IGF2BP1: variants seen among roughly 807,000 people sequenced by gnomAD.
IGF2BP1 encodes insulin like growth factor 2 mRNA binding protein 1, also known as insulin-like growth factor 2 mRNA-binding protein 1.
A neutral mutation model predicts 74.9 loss-of-function variants in IGF2BP1; 11 were observed. The observed-to-expected ratio is 0.15, with a 90% confidence interval of 0.09 to 0.24. The LOEUF (loss-of-function observed/expected upper bound fraction) is 0.24. Among genes scored for constraint, IGF2BP1 ranks in the 10% least tolerant of loss-of-function variants. The probability of loss-of-function intolerance (pLI) is 1.00; values close to 1 mark genes in which losing one functional copy is unlikely to be tolerated. For missense variants in IGF2BP1, 440 were observed against 757.4 expected (o/e 0.58, Z 4.92); for synonymous variants, 287 against 281.8 (o/e 1.02, Z -0.18).
At chr17:48,998,903 A>G (rs1450181924) in intron 1 of IGF2BP1, among the ~76,000 whole-genome samples, 1 of 152,128 alleles carries the variant, frequency 6.6e-6, no homozygotes, top group African/African-American at 2.4e-5. Context: ...AGCAAAAATT[A>G]AAAAATGAAT....
At chr17:49,036,623 C>T (rs1202493149) in intron 5 of IGF2BP1, 1 of 152,084 alleles carries the variant, frequency 6.6e-6, no homozygotes, top group African/African-American at 2.4e-5. Flanking sequence ...ATTAATTTAA[C>T]AACTCTCTGA....
At position 49,049,395 on chromosome 17, in the gene IGF2BP1, A is replaced by G. The variant is rs1282004542; in HGVS notation, c.1685A>G (p.Gln562Arg). 14 of 1,614,210 alleles carry G rather than the reference A, an allele frequency of 8.7e-6. No homozygotes were observed. The highest frequency in any genetic ancestry group is 1.2e-5 in the Non-Finnish European group (14 of 1,180,026). ...KIRDILAQVKQQHQKGQSNQA... is the reference protein window; with the variant it reads ...KIRDILAQVKRQHQKGQSNQA... ...CGAGACATCCTGGCCCAGGTTAAGCAGCAGCATCAGAAGGGACAGAGTAAC... is the reference window on the plus strand; with the variant it reads ...CGAGACATCCTGGCCCAGGTTAAGCGGCAGCATCAGAAGGGACAGAGTAAC... Residue 562 changes from glutamine (Q) to arginine (R), a missense_variant, in exon 15 of 15, where the codon CAG (glutamine) becomes CGG (arginine). By Grantham distance (43) the Gln-to-Arg change is conservative (BLOSUM62 1). Coordinates refer to ENST00000290341, the MANE Select transcript of IGF2BP1 (RefSeq NM_006546.4).
Position 49,033,554 on chromosome 17 carries a change from G to C in IGF2BP1, c.401+1581G>C, listed in dbSNP as rs191003063. Among the ~76,000 whole-genome samples the C allele has an allele frequency of 3.0e-3, 450 of 152,030 alleles. 2 individuals carry two copies. Among genetic ancestry groups the C allele is most frequent in the African/African-American group, 0.01 (431 of 41,448 alleles). Reference sequence around the variant, plus strand: ...GATGGGGTCTCACCATGTTGGCCAGGATGGTCTCGAACTCCTGACCTCAAG... The same window carrying C: ...GATGGGGTCTCACCATGTTGGCCAGCATGGTCTCGAACTCCTGACCTCAAG... On this transcript the variant is annotated intron_variant, in intron 5 of 14. Transcript: ENST00000290341.
chr17:49,040,750 A>G (rs1430226106), intron 7 of IGF2BP1, among the ~76,000 whole-genome samples: 1 of 152,244 alleles, frequency 6.6e-6, no homozygotes. Context: ...CATTATTTTT[A>G]TAGCTGCATA....
chr17:49,025,562 A>G, intron 2 of IGF2BP1, 56 bp from the exon 3 acceptor site: 2 of 1,494,424 alleles, frequency 1.3e-6, no homozygotes, highest in Non-Finnish European at 1.9e-6. Context: ...CTGCGAGTTC[A>G]CAGACCCCTA....
At position 48,997,513 on chromosome 17, in the gene IGF2BP1, T is replaced by C; in HGVS notation, c.-233T>C. The C allele has an allele frequency of 2.0e-6, 1 of 508,402 alleles. No individual in the cohort carries two copies. The highest frequency in any genetic ancestry group is 3.5e-6 in the Non-Finnish European group (1 of 287,792). The allele number at this position is 508,402 out of a possible 1,614,324, so 31.5% of individuals were successfully genotyped here. On this transcript the variant is annotated 5_prime_UTR_variant, in exon 1 of 15. Transcript: ENST00000290341. This position sits in a 1 kb window ranked among gnomAD's most constrained non-coding sequence, Gnocchi z 4.8. The stretch of plus-strand genomic sequence containing the variant: ...AAGAAGCTGCGCCGTGTCGTCCGTC[T>C]CCCTGCGCGCCGCGGGCACTTCTCC...
intron 6 of IGF2BP1, 81 bp downstream of exon 6, chr17:49,038,530 C>A: frequency 7.6e-7 from 1 of 1,315,338 alleles, no homozygotes; most frequent in African/African-American, 1.5e-5. Context: ...TGGAAGCATG[C>A]TGGAGACATC....
At chr17:49,020,724 A>T (rs960351029) in intron 2 of IGF2BP1, among the ~76,000 whole-genome samples, 1 of 152,170 alleles carries the variant, frequency 6.6e-6, no homozygotes, top group African/African-American at 2.4e-5. Flanking sequence ...AAAACATCCC[A>T]CCTATAATTC....
intron 1 of IGF2BP1, 48 bp from the exon 2 acceptor site, chr17:48,999,061 C>G (rs762003993): frequency 1.8e-5 from 21 of 1,172,168 alleles, no homozygotes; most frequent in Non-Finnish European, 2.4e-5. Context: ...TTCCCACCCC[C>G]AACCCCTGTT....
intron 9 of IGF2BP1, among the ~76,000 whole-genome samples, chr17:49,043,021 G>A (rs896531198): frequency 6.6e-6 from 1 of 152,108 alleles, no homozygotes; most frequent in African/African-American, 2.4e-5. Context: ...TTGGGGTACA[G>A]GACCAAAAAT....
chr17:48,998,073 C>T (rs1567805848), intron 1 of IGF2BP1, among the ~76,000 whole-genome samples, 153 bp downstream of exon 1: 1 of 152,138 alleles, frequency 6.6e-6, no homozygotes, highest in East Asian at 1.9e-4. Flanking sequence ...CTTCGATGCC[C>T]CCTCCCTCGC....
Position 49,044,925 on chromosome 17 carries a change from A to G in IGF2BP1, c.1321-66A>G, listed in dbSNP as rs2042093298. On this transcript the variant is annotated intron_variant, in intron 11 of 14. Transcript: ENST00000290341. ...GTAAGGGTGGTAGAAGGGGAACTGG[A>G]TGAAGTGGACATGGTGGGGGTCTTC... 7 of 1,353,344 alleles carry G rather than the reference A, an allele frequency of 5.2e-6. 1 individual carries two copies. The highest frequency in any genetic ancestry group is 3.5e-5 in the South Asian group (3 of 85,472). The allele number at this position is 1,353,344 out of a possible 1,614,324, so 83.8% of individuals were successfully genotyped here.
chr17:49,040,217 A>C (rs930404722), intron 7 of IGF2BP1, 126 bp downstream of exon 7: 1 of 1,076,388 alleles, frequency 9.3e-7, no homozygotes, highest in African/African-American at 1.6e-5. Context: ...AAAGATGTAA[A>C]CTGAGAAATA....
At chr17:48,998,662 C>T (rs376451621) in intron 1 of IGF2BP1, among the ~76,000 whole-genome samples, 9 of 152,124 alleles carry the variant, frequency 5.9e-5, no homozygotes, top group African/African-American at 2.2e-4. Flanking sequence ...CAGGTGACCG[C>T]TCCGTGGCCC....
rs1567825477 is a variant in IGF2BP1 at position 49,040,031 on chromosome 17, G to A, written c.758G>A (p.Cys253Tyr). The A allele has an allele frequency of 6.2e-7, 1 of 1,613,966 alleles. No homozygotes were observed. The highest frequency in any genetic ancestry group is 8.5e-7 in the Non-Finnish European group (1 of 1,180,016). Residue 253 changes from cysteine to tyrosine, a missense_variant, in exon 7 of 15, where the codon TGC (cysteine) becomes TAC (tyrosine). Transcript: ENST00000290341. ...AISVHSTPEG[C>Y]SSACKMILEI... The stretch of plus-strand genomic sequence containing the variant: ...AGTGTGCACTCCACCCCTGAGGGCT[G>A]CTCCTCCGCTTGTAAGATGATCTTG...
Position 49,041,402 on chromosome 17 carries a change from C to T in IGF2BP1, c.843C>T (p.Ile281=), listed in dbSNP as rs374870420. The change falls in exon 8 of 15, where the codon ATC becomes ATT. Residue 281 remains isoleucine, a synonymous_variant. Transcript: ENST00000290341. The part of the protein sequence containing the change: ...TKTADEVPLK[I]LAHNNFVGRL... ...GGGCTGACGAGGTTCCCCTGAAGAT[C>T]CTGGCCCATAATAACTTTGTAGGGC... 5 of 1,614,006 alleles carry T rather than the reference C, an allele frequency of 3.1e-6. No homozygotes were observed. Among genetic ancestry groups the T allele is most frequent in the Middle Eastern group, 1.7e-4 (1 of 6,060 alleles).
At chr17:49,019,904 T>TTG (rs1202634132) in intron 2 of IGF2BP1, among the ~76,000 whole-genome samples, 2 of 43,906 alleles carry the variant, frequency 4.6e-5, no homozygotes, top group African/African-American at 1.7e-4. Flanking sequence ...CCTGGCTAAT[T>TTG]TATATATATA....
rs1411812921 is a variant in IGF2BP1 at position 49,041,534 on chromosome 17, G to C, written c.941+34G>C. 3 of 1,612,928 alleles carry C rather than the reference G, an allele frequency of 1.9e-6. No individual in the cohort carries two copies. The Admixed American group carries it at 5.0e-5, about 27-fold the overall frequency. On this transcript the variant is annotated intron_variant, in intron 8 of 14. Coordinates refer to ENST00000290341, the MANE Select transcript of IGF2BP1 (RefSeq NM_006546.4). Reference sequence around the variant, plus strand: ...CTCTTCTATTTCCCTGTTTATGAGTGGGGGATGCATGGGGGCCAGGGTCAG... The same window carrying C: ...CTCTTCTATTTCCCTGTTTATGAGTCGGGGATGCATGGGGGCCAGGGTCAG...
chr17:49,049,362 G>A lies in IGF2BP1; in HGVS notation c.1652G>A (p.Arg551Gln). The A allele has an allele frequency of 6.2e-7, 1 of 1,614,026 alleles. No homozygotes were observed. Among genetic ancestry groups the A allele is most frequent in the Non-Finnish European group, 8.5e-7 (1 of 1,179,974 alleles). ...CTGTTCTTGCTGCAGATGGCTCAAC[G>A]GAAGATCCGAGACATCCTGGCCCAG... ...GHFYASQMAQ[R>Q]KIRDILAQVK... Residue 551 changes from arginine (R) to glutamine (Q), a missense_variant, in exon 15 of 15, where the codon CGG becomes CAG. By Grantham distance (43) the Arg-to-Gln change is conservative. Around this residue, in one of 5 missense-constraint regions of IGF2BP1, gnomAD observed 117 missense variants for 237.2 expected, o/e 0.49. Coordinates refer to ENST00000290341, the MANE Select transcript of IGF2BP1 (RefSeq NM_006546.4).
Sources: gnomAD v4.1 joint callset for allele counts (sites outside exome capture counted in the v4.1 genomes callset) on GRCh38, gnomAD v4.1.1 for gene constraint, gnomAD v4.1.1 regional missense constraint, Gnocchi (gnomAD v3.1) non-coding constraint, MANE v1.5 for transcripts, NCBI Gene and HGNC (gene_info 2026-07-23, HGNC 2026-07-21) for gene names.